NLRP3: variants seen among roughly 807,000 people sequenced by gnomAD.
NLRP3 encodes the protein NACHT, LRR and PYD domains-containing protein 3.
A neutral mutation model predicts 91.3 loss-of-function variants in NLRP3; 48 were observed. The observed-to-expected ratio is 0.53, with a 90% CI of 0.42 to 0.67. The LOEUF is 0.67. Ranked by LOEUF, NLRP3 falls within the 30% of genes least tolerant of loss-of-function variation. The pLI is 0.00. For missense variants in NLRP3, 982 were observed against 1,276.9 expected, an observed-to-expected ratio of 0.77 and a Z score of 3.52; for synonymous variants, 561 against 507.9, an observed-to-expected ratio of 1.10 and a Z score of -1.41.
chr1:247,436,107 C>G lies in NLRP3; in HGVS notation c.2630C>G (p.Ala877Gly), dbSNP rs749903532. ...DSGVAILCEK[A>G]KNPQCNLQKL... ...GGAGTCGCAATTTTATGTGAAAAAG[C>G]CAAGAATCCACAGTGTAACCTGCAG... Residue 877 changes from alanine (A) to glycine (G), a missense_variant, in exon 7 of 10, where the codon GCC becomes GGC. Transcript: ENST00000336119. 1.9e-5 allele frequency: 30 copies of G among 1,614,118 alleles called. No homozygotes were observed. The South Asian group carries it at 3.1e-4, about 17-fold the overall frequency.
At position 247,425,519 on chromosome 1, in the gene NLRP3, G is replaced by A. The variant is rs1201842590; in HGVS notation, c.2070G>A (p.Glu690=). 6.2e-7 allele frequency: 1 copy of A among 1,614,084 alleles called. No individual in the cohort carries two copies. ...GFLHNMPKEE[E]EEEKEGRHLD... ...TCCATAACATGCCCAAGGAGGAAGA[G>A]GAGGAGGAAAAGGAAGGCCGACACC... is the stretch of plus-strand genomic sequence containing the variant. The change falls in exon 4 of 10, where the codon GAG becomes GAA. Residue 690 remains glutamate (E), a synonymous_variant. Coordinates refer to ENST00000336119, the MANE Select transcript of NLRP3 (RefSeq NM_001243133.2). This position sits in a 1 kb window ranked among gnomAD's most constrained non-coding sequence, Gnocchi z 4.1.
chr1:247,436,705 C>T (rs1324651571), intron 7 of NLRP3, among the ~76,000 whole-genome samples: 4 of 152,170 alleles, frequency 2.6e-5, no homozygotes, highest in African/African-American at 9.7e-5. Context: ...TGTTTTACCT[C>T]CTGTTGCAGA....
At chr1:247,426,811 G>C (rs149769444) in intron 4 of NLRP3, among the ~76,000 whole-genome samples, 1 of 152,320 alleles carries the variant, frequency 6.6e-6, no homozygotes, top group East Asian at 1.9e-4. Flanking sequence ...CGGGGCACGG[G>C]TGGGTGTCCC....
Position 247,424,418 on chromosome 1 carries a change from C to A in NLRP3, c.969C>A (p.Ala323=), listed in dbSNP as rs201255971. 1 of 1,614,110 alleles carries A rather than the reference C, an allele frequency of 6.2e-7. No individual in the cohort carries two copies. Among genetic ancestry groups the A allele is most frequent in the South Asian group, 1.1e-5 (1 of 91,072 alleles). ...CGCTCTGCACTGACTGGCAGAAGGC[C>A]GAGCGGGGAGACATTCTCCTGAGCA... ...IGPLCTDWQK[A]ERGDILLSSL... is the part of the protein sequence containing the mutation. The change falls in exon 4 of 10, where the codon GCC becomes GCA. Residue 323 remains alanine (A), a synonymous_variant. Transcript: ENST00000336119. This position sits in a 1 kb window ranked among gnomAD's most constrained non-coding sequence, Gnocchi z 8.1.
At position 247,424,119 on chromosome 1, in the gene NLRP3, G is replaced by A; in HGVS notation, c.670G>A (p.Gly224Arg). 6.2e-7 allele frequency: 1 copy of A among 1,614,134 alleles called. No homozygotes were observed. Among genetic ancestry groups the A allele is most frequent in the African/African-American group, 1.3e-5 (1 of 75,024 alleles). ...GCCTGTGCACACCGTGGTGTTCCAGGGGGCGGCAGGGATTGGGAAAACAAT... is the reference window on the plus strand; with the variant it reads ...GCCTGTGCACACCGTGGTGTTCCAGAGGGCGGCAGGGATTGGGAAAACAAT... ...SEPVHTVVFQ[G>R]AAGIGKTILA... The change falls in exon 4 of 10, where the codon GGG (glycine) becomes AGG (arginine). Residue 224 changes from glycine to arginine, a missense_variant. This residue lies in a region of NLRP3 where 548 missense variants were observed against 713.7 expected (regional missense o/e 0.77). Transcript: ENST00000336119. The surrounding 1 kb of genome is among the most constrained non-coding windows in gnomAD (Gnocchi z 8.1).
At position 247,424,540 on chromosome 1, in the gene NLRP3, G is replaced by A. The variant is rs766157536; in HGVS notation, c.1091G>A (p.Arg364Gln). ...EKLQHLLDHP[R>Q]HVEILGFSEA... The stretch of plus-strand genomic sequence containing the variant: ...CTGCAGCACTTGCTGGACCATCCTC[G>A]GCATGTGGAGATCCTGGGTTTCTCC... The change falls in exon 4 of 10, where the codon CGG (arginine) becomes CAG (glutamine). Residue 364 changes from arginine (R) to glutamine (Q), a missense_variant. By Grantham distance (43) the Arg-to-Gln change is conservative. Coordinates refer to ENST00000336119, the MANE Select transcript of NLRP3 (RefSeq NM_001243133.2). This position sits in a 1 kb window ranked among gnomAD's most constrained non-coding sequence, Gnocchi z 8.1. 8.1e-6 allele frequency: 13 copies of A among 1,614,006 alleles called. No individual in the cohort carries two copies. In the Admixed American group the frequency reaches 8.3e-5, roughly 10 times the overall value.
At chr1:247,420,943 C>A (rs1477072698) in intron 2 of NLRP3, among the ~76,000 whole-genome samples, 2 of 152,196 alleles carry the variant, frequency 1.3e-5, no homozygotes, top group Admixed American at 1.3e-4. Context: ...TCTCAGACCA[C>A]ATGTTTTGTC....
chr1:247,436,543 G>A (rs960873330), intron 7 of NLRP3, among the ~76,000 whole-genome samples: 1 of 152,142 alleles, frequency 6.6e-6, no homozygotes. Context: ...CTCTACACTA[G>A]GAGAGGACTC....
intron 9 of NLRP3, among the ~76,000 whole-genome samples, chr1:247,445,727 A>G (rs1427642676): frequency 1.3e-5 from 2 of 152,112 alleles, no homozygotes; most frequent in Non-Finnish European, 2.9e-5. Flanking sequence ...TAAGGCCAAC[A>G]TGCTCTCCTG....
chr1:247,447,695 A>C (rs955938272), intron 9 of NLRP3, among the ~76,000 whole-genome samples: 3 of 152,258 alleles, frequency 2.0e-5, no homozygotes, highest in African/African-American at 7.2e-5. Context: ...GGAAGCGTAA[A>C]TGCTGACTGG....
At chr1:247,429,943 C>T (rs546622202) in intron 5 of NLRP3, among the ~76,000 whole-genome samples, 188 bp downstream of exon 5, 5 of 152,144 alleles carry the variant, frequency 3.3e-5, no homozygotes, top group East Asian at 3.9e-4. Flanking sequence ...GCCGTGACCT[C>T]GGCTCACTGC....
Position 247,436,001 on chromosome 1 carries a change from T to C in NLRP3, c.2524T>C (p.Cys842Arg). 5 of 1,614,130 alleles carry C rather than the reference T, an allele frequency of 3.1e-6. No homozygotes were observed. Among genetic ancestry groups the C allele is most frequent in the Non-Finnish European group, 4.2e-6 (5 of 1,180,024 alleles). ...LVSCCLTSACCQDLASVLSTS... is the reference protein window; with the variant it reads ...LVSCCLTSACRQDLASVLSTS... ...CAGCTGCTGCCTCACATCAGCATGT[T>C]GTCAGGATCTTGCATCAGTATTGAG... The change falls in exon 7 of 10, where the codon TGT (cysteine) becomes CGT (arginine). Residue 842 changes from cysteine to arginine, a missense_variant. Physicochemically the swap from Cys to Arg is radical, Grantham distance 180. Around this residue, in one of 5 missense-constraint regions of NLRP3, gnomAD observed 373 missense variants for 431.5 expected, o/e 0.86. Transcript: ENST00000336119.
chr1:247,441,374 A>G (rs567112473), intron 7 of NLRP3, among the ~76,000 whole-genome samples: 17 of 151,946 alleles, frequency 1.1e-4, no homozygotes, highest in African/African-American at 3.9e-4. Flanking sequence ...CTGACTAGCT[A>G]GGACTACAGG....
At position 247,434,221 on chromosome 1, in the gene NLRP3, A is replaced by T. The variant is rs1352405790; in HGVS notation, c.2440A>T (p.Arg814Ter). 1 of 1,614,268 alleles carries T rather than the reference A, an allele frequency of 6.2e-7. No homozygotes were observed. The highest frequency in any genetic ancestry group is 8.5e-7 in the Non-Finnish European group (1 of 1,180,050). The change falls in exon 6 of 10, where the codon AGA (arginine) becomes TGA (stop). Residue 814 changes from arginine to a stop codon, truncating the protein, a stop_gained. Transcript: ENST00000336119. LOFTEE classifies it high-confidence loss of function. ...SDNALGDFGI[R>*]LLCVGLKHLL... ...CAACGCCCTCGGTGACTTCGGAATC[A>T]GACTTCTGTGTGTGGGACTGAAGCA...
At chr1:247,416,664 A>C (rs768733090) in intron 1 of NLRP3, among the ~76,000 whole-genome samples, 1 of 109,066 alleles carries the variant, frequency 9.2e-6, no homozygotes, top group Non-Finnish European at 1.9e-5. Context: ...TCTGGAGAGC[A>C]GTCACCTCAG....
chr1:247,425,345 G>A lies in NLRP3; in HGVS notation c.1896G>A (p.Leu632=). 6.2e-7 allele frequency: 1 copy of A among 1,614,204 alleles called. No individual in the cohort carries two copies. Among genetic ancestry groups the A allele is most frequent in the Non-Finnish European group, 8.5e-7 (1 of 1,180,032 alleles). Residue 632 remains leucine (L), a synonymous_variant, in exon 4 of 10, where the codon TTG becomes TTA. Coordinates refer to ENST00000336119, the MANE Select transcript of NLRP3 (RefSeq NM_001243133.2). This position sits in a 1 kb window ranked among gnomAD's most constrained non-coding sequence, Gnocchi z 4.1. ...GCCAGCTGGAATTGTTCTACTGTTT[G>A]TACGAGATGCAGGAGGAGGACTTCG... ...QPSQLELFYC[L]YEMQEEDFVQ... is the part of the protein sequence containing the mutation.
intron 4 of NLRP3, among the ~76,000 whole-genome samples, chr1:247,428,182 G>A (rs1261934478): frequency 3.4e-5 from 5 of 147,386 alleles, no homozygotes; most frequent in African/African-American, 1.3e-4. Flanking sequence ...GCCTTACTCT[G>A]AGGACAGACT....
At position 247,429,619 on chromosome 1, in the gene NLRP3, C is replaced by T. The variant is rs148590318; in HGVS notation, c.2185C>T (p.Arg729Trp). 7.4e-6 allele frequency: 12 copies of T among 1,614,142 alleles called. No homozygotes were observed. The East Asian group carries it at 1.3e-4, about 18-fold the overall frequency. Residue 729 changes from arginine to tryptophan, a missense_variant, in exon 5 of 10, where the codon CGG (arginine) becomes TGG (tryptophan). Around this residue, in one of 5 missense-constraint regions of NLRP3, gnomAD observed 373 missense variants for 431.5 expected, o/e 0.86. Coordinates refer to ENST00000336119, the MANE Select transcript of NLRP3 (RefSeq NM_001243133.2). ...VNSHLTSSFC[R>W]GLFSVLSTSQ... is the part of the protein sequence containing the mutation. ...CAGCCACCTCACTTCCAGTTTTTGC[C>T]GGGGCCTCTTTTCAGTTCTGAGCAC...
chr1:247,434,362 G>C, intron 6 of NLRP3, 89 bp downstream of exon 6: 1 of 1,419,018 alleles, frequency 7.0e-7, no homozygotes, highest in East Asian at 2.3e-5. Context: ...GCTGGGGTTT[G>C]AGTGAGAATG....
Sources: allele counts gnomAD v4.1 joint callset (sites outside exome capture counted in the v4.1 genomes callset), GRCh38; gene constraint gnomAD v4.1.1; regional missense constraint gnomAD v4.1.1; non-coding constraint Gnocchi (gnomAD v3.1); transcripts MANE v1.5; gene names NCBI Gene and HGNC (gene_info 2026-07-23, HGNC 2026-07-21).